Variants in ZNF331 observed in about 807,000 individuals in gnomAD.
ZNF331 encodes the protein C2H2-like zinc finger protein rearranged in thyroid adenomas.
In ZNF331, 2 loss-of-function variants were observed where a neutral mutation model predicts 7.0. That is an observed-to-expected ratio of 0.29 (90% CI 0.12 to 0.90). The LOEUF (loss-of-function observed/expected upper bound fraction) is 0.90, where lower values mean the gene tolerates loss of function less well. Among genes scored for constraint, ZNF331 ranks in the 40% least tolerant of loss-of-function variants. The pLI is 0.58. For synonymous variants in ZNF331, 196 were observed against 205.4 expected (o/e 0.95, Z 0.39); for missense variants, 432 against 587.7 (o/e 0.74, Z 2.74).
chr19:53,556,360 G>A (rs1443107268), intron 3 of ZNF331, among the ~76,000 whole-genome samples: 1 of 151,812 alleles, frequency 6.6e-6, no homozygotes, highest in Non-Finnish European at 1.5e-5. Context: ...CATTTATTAA[G>A]CACATATTCT....
intron 3 of ZNF331, among the ~76,000 whole-genome samples, chr19:53,566,575 A>C (rs1568529273): frequency 1.3e-5 from 2 of 151,748 alleles, no homozygotes; most frequent in Admixed American, 1.3e-4. Context: ...CACATTGTTT[A>C]TACTGATTAT....
At chr19:53,535,501 T>G (rs150087514), upstream of ZNF331, among the ~76,000 whole-genome samples, 10 of 152,220 alleles carry the variant, frequency 6.6e-5, no homozygotes, top group Admixed American at 3.3e-4. Context: ...TTCTGGAACA[T>G]TGAATCCTAT....
In ZNF331 at chr19:53,571,816, T is replaced by A; in HGVS notation, c.136+86T>A. The A allele has an allele frequency of 1.3e-6, 2 of 1,492,420 alleles. No homozygotes were observed. The allele number at this position is 1,492,420 out of a possible 1,614,324, so 92.4% of individuals were successfully genotyped here. On this transcript the variant is annotated intron_variant, in intron 5 of 5. Coordinates refer to ENST00000449416, the MANE Select transcript of ZNF331 (RefSeq NM_001079906.2). This position sits in a 1 kb window ranked among gnomAD's most constrained non-coding sequence, Gnocchi z 4.7. ...ATTTCAGGACCGCCTTTCAAGAAAC[T>A]AGTTGAATTTCTTCTTCCTGTCCCC...
At chr19:53,519,286 C>T (rs549695996), upstream of ZNF331, among the ~76,000 whole-genome samples, 35 of 152,264 alleles carry the variant, frequency 2.3e-4, no homozygotes, top group African/African-American at 7.7e-4. Flanking sequence ...TTTTTTAGGG[C>T]AAAGCATCTC....
At chr19:53,541,854 T>C (rs1186264262) in intron 2 of ZNF331, among the ~76,000 whole-genome samples, 1 of 151,758 alleles carries the variant, frequency 6.6e-6, no homozygotes, top group African/African-American at 2.4e-5. Flanking sequence ...AAATAAAAAA[T>C]TGAAAAAGAT....
chr19:53,564,099 A>G (rs2090042192), intron 3 of ZNF331, among the ~76,000 whole-genome samples: 2 of 121,662 alleles, frequency 1.6e-5, no homozygotes, highest in Non-Finnish European at 3.4e-5. Flanking sequence ...TTTTTTTGAG[A>G]CAGAGTCTCA....
At chr19:53,526,864 T>C (rs1198854853) in intron 2 of ZNF331, among the ~76,000 whole-genome samples, 2 of 151,786 alleles carry the variant, frequency 1.3e-5, no homozygotes, top group African/African-American at 4.8e-5. Context: ...GGAACTAATT[T>C]TTTTTATACC....
At chr19:53,530,121 C>G (rs2087473832) in intron 2 of ZNF331, among the ~76,000 whole-genome samples, 2 of 152,134 alleles carry the variant, frequency 1.3e-5, no homozygotes, top group South Asian at 4.2e-4. Flanking sequence ...GGAGCAGGCA[C>G]GTCACATGGC....
chr19:53,534,489 G>T (rs2708778), upstream of ZNF331, among the ~76,000 whole-genome samples: 52,430 of 151,784 alleles, frequency 0.35, 9,757 homozygotes, highest in African/African-American at 0.49. Flanking sequence ...GGTTTCACCA[G>T]TTGGCCAGGC....
chr19:53,506,061 T>C, the ZNF331 span, among the ~76,000 whole-genome samples: 645 of 149,878 alleles, frequency 4.3e-3, 7 homozygotes, highest in African/African-American at 0.015. Context: ...ACCGGCTGGG[T>C]GCAGTGGCTA....
chr19:53,560,760 T>C lies in ZNF331; in HGVS notation c.-74+4852T>C, dbSNP rs1308927709. 6.6e-6 allele frequency among the ~76,000 whole-genome samples: 1 copy of C among 152,174 alleles called. No homozygotes were observed. Among genetic ancestry groups the C allele is most frequent in the African/African-American group, 2.4e-5 (1 of 41,444 alleles). On this transcript the variant is annotated intron_variant, in intron 3 of 5. Transcript: ENST00000449416. The surrounding 1 kb of genome is among the most constrained non-coding windows in gnomAD (Gnocchi z 4.3). ...AAAGCCTGAAAAGACAAGTCCTTTT[T>C]CCGTCACACCACTCTGACCCTCCTC...
chr19:53,530,971 C>T (rs2569565), intron 2 of ZNF331, among the ~76,000 whole-genome samples: 39,845 of 151,886 alleles, frequency 0.26, 6,186 homozygotes, highest in African/African-American at 0.43. Flanking sequence ...ATGTAGACCC[C>T]AGGAATCTCT....
the ZNF331 span, among the ~76,000 whole-genome samples, chr19:53,506,486 G>GTCTCTCTC: frequency 1.5e-5 from 1 of 68,658 alleles, no homozygotes; most frequent in Non-Finnish European, 2.9e-5. Flanking sequence ...CTCTCTGTCT[G>GTCTCTCTC]TCTCTCTCTC....
intron 2 of ZNF331, among the ~76,000 whole-genome samples, chr19:53,554,077 C>A (rs1344291344): frequency 6.6e-6 from 1 of 152,322 alleles, no homozygotes; most frequent in East Asian, 1.9e-4. Context: ...ACATCGCCCT[C>A]CTCAAGCCTC....
chr19:53,566,160 C>T (rs752175394), intron 3 of ZNF331, among the ~76,000 whole-genome samples: 12 of 151,812 alleles, frequency 7.9e-5, no homozygotes, highest in Non-Finnish European at 1.3e-4. Flanking sequence ...GCACCAGGCT[C>T]CCTCTTCCTC....
At position 53,573,320 on chromosome 19, in the gene ZNF331, G is replaced by C. The variant is rs1464347895; in HGVS notation, c.136+1590G>C. Among the ~76,000 whole-genome samples the C allele has an allele frequency of 6.6e-6, 1 of 151,996 alleles. No individual in the cohort carries two copies. The highest frequency in any genetic ancestry group is 6.6e-5 in the Admixed American group (1 of 15,256). On this transcript the variant is annotated intron_variant, in intron 5 of 5. Transcript: ENST00000449416. The surrounding 1 kb of genome is among the most constrained non-coding windows in gnomAD (Gnocchi z 4.2). ...TCACGAAGATAGGAGTTCGAGACCA[G>C]CTTGGCCAACAGAGTGAAACCCCAT... is the stretch of plus-strand genomic sequence containing the variant.
At chr19:53,505,019 C>T in the ZNF331 span, among the ~76,000 whole-genome samples, 1 of 152,184 alleles carries the variant, frequency 6.6e-6, no homozygotes, top group Admixed American at 6.5e-5. Context: ...TCATTCTCCT[C>T]CTGGCAGGAG....
intron 2 of ZNF331, among the ~76,000 whole-genome samples, chr19:53,543,948 G>A (rs541195968): frequency 6.6e-6 from 1 of 152,064 alleles, no homozygotes; most frequent in Non-Finnish European, 1.5e-5. Flanking sequence ...ATTTTCTCAA[G>A]CCAGACGCGG....
the ZNF331 span, among the ~76,000 whole-genome samples, chr19:53,510,489 A>C: frequency 7.3e-6 from 1 of 137,226 alleles, no homozygotes; most frequent in Non-Finnish European, 1.6e-5. Context: ...TTATCTTACT[A>C]TGTGTTGTAA....
Sources: gnomAD v4.1 joint callset for allele counts (sites outside exome capture counted in the v4.1 genomes callset) on GRCh38, gnomAD v4.1.1 for gene constraint, Gnocchi (gnomAD v3.1) non-coding constraint, MANE v1.5 for transcripts, NCBI Gene and HGNC (gene_info 2026-07-23, HGNC 2026-07-21) for gene names.